Variants in IL18BP observed in about 807,000 individuals in gnomAD.
IL18BP encodes the protein interleukin 18 binding protein, also known as interleukin-18-binding protein.
A neutral mutation model predicts 19.9 loss-of-function variants in IL18BP; 23 were observed. That is an observed-to-expected ratio of 1.15 (90% confidence interval 0.83 to 1.64). The LOEUF (loss-of-function observed/expected upper bound fraction) is 1.64, where lower values mean the gene tolerates loss of function less well. Ranked by LOEUF, IL18BP falls within the 40% of genes most tolerant of loss-of-function variation. The pLI, the probability that IL18BP is intolerant of heterozygous loss-of-function variation, is 0.00. For missense variants in IL18BP, 239 were observed against 240.7 expected (o/e 0.99, Z 0.05); for synonymous variants, 107 against 101.0 (o/e 1.06, Z -0.35).
At chr11:72,001,005 C>G (rs548005141) in intron 3 of IL18BP, among the ~76,000 whole-genome samples, 196 bp from the exon 4 acceptor site, 1 of 152,356 alleles carries the variant, frequency 6.6e-6, no homozygotes, top group African/African-American at 2.4e-5. Context: ...TCCTCACATT[C>G]CCCGTGTTTA....
chr11:71,999,458 A>T, intron 1 of IL18BP: 2 of 222,610 alleles, frequency 9.0e-6, no homozygotes, highest in South Asian at 5.6e-5. Flanking sequence ...TCCTCTGGAG[A>T]GTAGGAGTCC....
downstream of IL18BP, chr11:72,005,235 T>C: frequency 6.3e-7 from 1 of 1,594,528 alleles, no homozygotes; most frequent in Non-Finnish European, 8.5e-7. Flanking sequence ...GGCCTCACCC[T>C]GGACTCCAGG....
intron 1 of IL18BP, 72 bp from the exon 2 acceptor site, chr11:71,999,855 C>A: frequency 1.2e-6 from 1 of 824,146 alleles, no homozygotes; most frequent in Non-Finnish European, 2.0e-6. Flanking sequence ...GAGAAGCCAG[C>A]TACTGAGGAA....
chr11:72,008,034 A>G (rs558654616), downstream of IL18BP: 134 of 455,102 alleles, frequency 2.9e-4, no homozygotes, highest in Non-Finnish European at 5.2e-5. Context: ...AACCTTGGGC[A>G]AGTGACTGCC....
downstream of IL18BP, chr11:72,004,093 G>A (rs199699067): frequency 2.2e-4 from 361 of 1,613,100 alleles, 2 homozygotes; most frequent in Admixed American, 7.4e-4. Flanking sequence ...GACTGGCGCC[G>A]GTCAGCCTGC....
At chr11:71,999,226 A>G (rs1955083971) in intron 1 of IL18BP, 1 of 475,732 alleles carries the variant, frequency 2.1e-6, no homozygotes, top group Non-Finnish European at 4.2e-6. Flanking sequence ...GGGGTTCCCC[A>G]GTGCCTAGGA....
intron 3 of IL18BP, among the ~76,000 whole-genome samples, chr11:72,000,826 C>G (rs1955175689): frequency 1.3e-5 from 2 of 152,210 alleles, no homozygotes; most frequent in African/African-American, 4.8e-5. Flanking sequence ...ACCCCAAGGC[C>G]AGCCCCTCCA....
At chr11:72,000,240 C>A in intron 2 of IL18BP, 111 bp from the exon 3 acceptor site, 1 of 1,049,824 alleles carries the variant, frequency 9.5e-7, no homozygotes, top group South Asian at 1.4e-5. Context: ...TCCCTCTTCC[C>A]GCTCTGATTC....
At chr11:72,006,012 G>A (rs1448186759), downstream of IL18BP, 8 of 1,567,574 alleles carry the variant, frequency 5.1e-6, no homozygotes, top group African/African-American at 1.4e-5. Flanking sequence ...TTGGGGTATA[G>A]TAAGTCCCTG....
chr11:72,001,305 C>A lies in IL18BP; in HGVS notation c.340C>A (p.Leu114Met). The A allele has an allele frequency of 3.1e-6, 5 of 1,614,200 alleles. No homozygotes were observed. The highest frequency in any genetic ancestry group is 1.6e-4 in the Middle Eastern group (1 of 6,062). The change falls in exon 4 of 6, where the codon CTG (leucine) becomes ATG (methionine). Residue 114 changes from leucine (L) to methionine (M), a missense_variant. By Grantham distance (15) the Leu-to-Met change is conservative (BLOSUM62 2). Coordinates refer to ENST00000393703, the MANE Select transcript of IL18BP (RefSeq NM_001039660.2). The stretch of plus-strand genomic sequence containing the variant: ...CTTCATTGAGCACCTCCCAGGCCGA[C>A]TGTGGGAGGGGAGCACCAGGTGAGG... ...GSFIEHLPGRLWEGSTSRERG... is the reference protein window; with the variant it reads ...GSFIEHLPGRMWEGSTSRERG...
chr11:72,004,110 G>C, downstream of IL18BP: 1 of 1,613,066 alleles, frequency 6.2e-7, no homozygotes, highest in South Asian at 1.1e-5. Context: ...CTGCAAGGAA[G>C]GGCTGTCAGA....
downstream of IL18BP, chr11:72,004,508 G>A: frequency 8.0e-7 from 1 of 1,242,510 alleles, no homozygotes; most frequent in Non-Finnish European, 1.1e-6. Flanking sequence ...CCATCCATGG[G>A]TCAGGCCCTT....
intron 5 of IL18BP, 37 bp downstream of exon 5, chr11:72,001,589 G>C: frequency 1.9e-6 from 3 of 1,601,038 alleles, no homozygotes; most frequent in South Asian, 1.1e-5. Flanking sequence ...GGAACAGGAG[G>C]AGCTCTGCTT....
intron 2 of IL18BP, 88 bp downstream of exon 2, chr11:72,000,100 CCA>C (rs1955132123): frequency 7.2e-7 from 1 of 1,397,178 alleles, no homozygotes; most frequent in African/African-American, 1.4e-5. Flanking sequence ...AGCCTTCACT[CCA>C]AGGCAAACCA....
chr11:72,001,806 C>A lies in IL18BP; in HGVS notation c.530C>A (p.Pro177His), dbSNP rs1034141187. The change falls in exon 6 of 6, where the codon CCC (proline) becomes CAC (histidine). Residue 177 changes from proline (P) to histidine (H), a missense_variant. Pro to His is a moderately conservative substitution (Grantham distance 77). Transcript: ENST00000393703. ...TAGGCTGGGCTGAGGGCAACCTTGC[C>A]CCCCACCCAAGAAGCCCTGCCCTCC... The part of the protein sequence containing the change: ...QLWAGLRATL[P>H]PTQEALPSSH... The A allele has an allele frequency of 1.4e-5, 22 of 1,613,956 alleles. 1 individual carries two copies. The highest frequency in any genetic ancestry group is 1.9e-5 in the Non-Finnish European group (22 of 1,179,982).
downstream of IL18BP, chr11:72,003,387 G>C (rs1229181773): frequency 1.2e-6 from 1 of 824,492 alleles, no homozygotes; most frequent in Non-Finnish European, 2.1e-6. Flanking sequence ...GCCAGGGTGC[G>C]GGCAGGCATC....
Position 72,001,940 on chromosome 11 carries a change from T to C in IL18BP, c.*79T>C, listed in dbSNP as rs757040104. On this transcript the variant is annotated 3_prime_UTR_variant, in exon 6 of 6. Transcript: ENST00000393703. Reference sequence around the variant, plus strand: ...CTGTCTACCTGGAGTGAACAGTCCCTGACTGCCTGTAGGCTGCGTGGATGC... The same window carrying C: ...CTGTCTACCTGGAGTGAACAGTCCCCGACTGCCTGTAGGCTGCGTGGATGC... 10 of 1,594,340 alleles carry C rather than the reference T, an allele frequency of 6.3e-6. No homozygotes were observed. In the East Asian group the frequency reaches 2.1e-4, roughly 33 times the overall value.
At chr11:72,003,508 A>G (rs1005868683), downstream of IL18BP, 3 of 1,613,702 alleles carry the variant, frequency 1.9e-6, no homozygotes, top group South Asian at 1.1e-5. Context: ...AGGTGGGGCC[A>G]CTCACTGGTA....
downstream of IL18BP, chr11:72,006,042 G>A (rs1955664045): frequency 6.2e-7 from 1 of 1,611,058 alleles, no homozygotes; most frequent in South Asian, 1.1e-5. Context: ...CACCTGGAGG[G>A]GCCCCACTGG....
Sources: allele counts gnomAD v4.1 joint callset (sites outside exome capture counted in the v4.1 genomes callset), GRCh38; gene constraint gnomAD v4.1.1; transcripts MANE v1.5; gene names NCBI Gene and HGNC (gene_info 2026-07-23, HGNC 2026-07-21).